FHIT: variants seen among roughly 807,000 people sequenced by gnomAD.
FHIT encodes bis(5'-adenosyl)-triphosphatase.
A neutral mutation model predicts 17.9 loss-of-function variants in FHIT; 19 were observed. The ratio of observed to expected loss-of-function variants is 1.06; its 90% CI spans 0.74 to 1.56. The LOEUF is 1.56. Ranked by LOEUF, FHIT falls within the 40% of genes most tolerant of loss-of-function variation. The probability of loss-of-function intolerance (pLI) is 0.00; values close to 1 mark genes in which losing one functional copy is unlikely to be tolerated. For missense variants in FHIT, 248 were observed against 189.2 expected, an observed-to-expected ratio of 1.31 and a Z score of -1.82; for synonymous variants, 81 against 69.7, an observed-to-expected ratio of 1.16 and a Z score of -0.81.
At chr3:59,959,423 G>A (rs958375533) in intron 7 of FHIT, among the ~76,000 whole-genome samples, 1 of 152,170 alleles carries the variant, frequency 6.6e-6, no homozygotes, top group Non-Finnish European at 1.5e-5. Flanking sequence ...GTATGTAGAA[G>A]ATTTTAGCAA....
intron 7 of FHIT, among the ~76,000 whole-genome samples, chr3:59,932,501 G>C (rs982825871): frequency 6.6e-6 from 1 of 152,176 alleles, no homozygotes; most frequent in Non-Finnish European, 1.5e-5. Flanking sequence ...TCCAGACTAG[G>C]AAAGGGAGCT....
intron 8 of FHIT, among the ~76,000 whole-genome samples, chr3:59,823,082 T>C (rs1285405814): frequency 6.6e-6 from 1 of 152,162 alleles, no homozygotes; most frequent in Non-Finnish European, 1.5e-5. Flanking sequence ...CTGTTTTTGT[T>C]TGCTTTGTTG....
At chr3:59,989,949 G>T (rs796569330) in intron 7 of FHIT, among the ~76,000 whole-genome samples, 1 of 152,158 alleles carries the variant, frequency 6.6e-6, no homozygotes, top group African/African-American at 2.4e-5. Flanking sequence ...CATAGTAGAA[G>T]AAAGAGTCAA....
intron 4 of FHIT, among the ~76,000 whole-genome samples, chr3:60,643,283 C>T (rs577022277): frequency 1.3e-5 from 2 of 152,122 alleles, no homozygotes; most frequent in African/African-American, 4.8e-5. Flanking sequence ...ACATCCTATG[C>T]TCATAGATGG....
chr3:60,031,164 G>A (rs535920888), intron 5 of FHIT, among the ~76,000 whole-genome samples: 45 of 152,194 alleles, frequency 3.0e-4, no homozygotes, highest in African/African-American at 6.8e-4. Context: ...TACAAAACAC[G>A]TTTTATCTCA....
At chr3:60,977,719 A>T (rs1250785757) in intron 3 of FHIT, among the ~76,000 whole-genome samples, 2 of 152,038 alleles carry the variant, frequency 1.3e-5, no homozygotes, top group Non-Finnish European at 2.9e-5. Flanking sequence ...TAAAAATACA[A>T]AATTAGCCAG....
intron 5 of FHIT, among the ~76,000 whole-genome samples, chr3:60,103,213 C>T (rs1408776680): frequency 1.3e-5 from 2 of 152,158 alleles, no homozygotes; most frequent in Non-Finnish European, 2.9e-5. Flanking sequence ...CTTGTTTTTA[C>T]TTGATAAACA....
intron 4 of FHIT, among the ~76,000 whole-genome samples, chr3:60,747,514 AC>A (rs1553715698): frequency 6.6e-6 from 1 of 152,232 alleles, no homozygotes; most frequent in African/African-American, 2.4e-5. Flanking sequence ...AATACTTGAT[AC>A]CCAACTCCAA....
intron 4 of FHIT, among the ~76,000 whole-genome samples, chr3:60,539,032 A>C (rs1379815337): frequency 1.3e-5 from 2 of 152,104 alleles, no homozygotes; most frequent in East Asian, 3.9e-4. Flanking sequence ...AAATTTTTGC[A>C]ATCTACTCAT....
At position 61,091,589 on chromosome 3, in the gene FHIT, A is replaced by G. The variant is rs191265277; in HGVS notation, c.-163-49490T>C. 1.8e-4 allele frequency among the ~76,000 whole-genome samples: 27 copies of G among 152,206 alleles called. No homozygotes were observed. In the East Asian group the frequency reaches 5.0e-3, roughly 28 times the overall value. On this transcript the variant is annotated intron_variant, in intron 2 of 9. Transcript: ENST00000492590. ...TCCTGCCTAACGTTAGCAAAATAGA[A>G]AAGAGATCTACTGCAAGTATACAGA...
intron 4 of FHIT, among the ~76,000 whole-genome samples, chr3:60,606,812 C>T (rs1339460695): frequency 2.0e-5 from 3 of 152,182 alleles, no homozygotes; most frequent in Non-Finnish European, 4.4e-5. Context: ...TAGACTCCAT[C>T]TTGATACTTT....
At chr3:60,545,237 T>C (rs1440045099) in intron 4 of FHIT, among the ~76,000 whole-genome samples, 2 of 152,188 alleles carry the variant, frequency 1.3e-5, no homozygotes, top group Non-Finnish European at 2.9e-5. Flanking sequence ...GTGTTTATCA[T>C]GGTACATGGA....
chr3:60,982,069 G>A (rs1710520911), intron 3 of FHIT, among the ~76,000 whole-genome samples: 2 of 152,248 alleles, frequency 1.3e-5, no homozygotes, highest in South Asian at 2.1e-4. Context: ...TTCCACTCTT[G>A]CCCTTCCAGT....
chr3:59,763,516 A>G (rs183014339), intron 8 of FHIT, among the ~76,000 whole-genome samples: 56 of 152,376 alleles, frequency 3.7e-4, no homozygotes, highest in Admixed American at 2.5e-3. Flanking sequence ...TGCAGAATTC[A>G]TTCAATTATT....
chr3:59,847,684 T>C (rs567747389), intron 8 of FHIT, among the ~76,000 whole-genome samples: 1 of 152,288 alleles, frequency 6.6e-6, no homozygotes, highest in Non-Finnish European at 1.5e-5. Context: ...ACTGGACATA[T>C]GAATCGAATA....
chr3:60,052,322 T>G (rs954203830), intron 5 of FHIT, among the ~76,000 whole-genome samples: 1 of 152,224 alleles, frequency 6.6e-6, no homozygotes, highest in Middle Eastern at 3.4e-3. Flanking sequence ...CCTGAAAAAC[T>G]AGACTCAAAC....
chr3:60,704,373 AT>A (rs1408240498), intron 4 of FHIT, among the ~76,000 whole-genome samples: 1 of 152,140 alleles, frequency 6.6e-6, no homozygotes, highest in Non-Finnish European at 1.5e-5. Context: ...AAAAAGAATT[AT>A]TTTTCCCCCA....
In FHIT at chr3:60,966,305, G is replaced by A. The variant is rs533643107; in HGVS notation, c.-111+75742C>T. Among the ~76,000 whole-genome samples the A allele has an allele frequency of 3.0e-4, 46 of 152,304 alleles. 1 individual carries two copies. Among genetic ancestry groups the A allele is most frequent in the African/African-American group, 1.1e-3 (46 of 41,566 alleles). ...AGTTGGAAAAGCACAGTATTAGTGT[G>A]GGAGTGTCCCGATTTTCCAGGTACC... On this transcript the variant is annotated intron_variant, in intron 3 of 9. Coordinates refer to ENST00000492590, the MANE Select transcript of FHIT (RefSeq NM_002012.4).
chr3:59,954,808 C>A (rs1707312058), intron 7 of FHIT, among the ~76,000 whole-genome samples: 2 of 152,194 alleles, frequency 1.3e-5, no homozygotes, highest in South Asian at 2.1e-4. Context: ...TTTATTCCAA[C>A]TGGTTTCTTT....
Sources: gnomAD v4.1 joint callset for allele counts (sites outside exome capture counted in the v4.1 genomes callset) on GRCh38, gnomAD v4.1.1 for gene constraint, MANE v1.5 for transcripts, NCBI Gene and HGNC (gene_info 2026-07-23, HGNC 2026-07-21) for gene names.